Variants in MAMDC2 observed in about 807,000 individuals in gnomAD.
MAMDC2 encodes MAM domain-containing protein 2.
In MAMDC2, 57 loss-of-function variants were observed where a neutral mutation model predicts 89.8. That is an observed-to-expected ratio of 0.63 (90% CI 0.51 to 0.79). The LOEUF (loss-of-function observed/expected upper bound fraction) is 0.79, where lower values mean the gene tolerates loss of function less well. MAMDC2 is among the 30% of genes least tolerant of loss of function. MAMDC2 has a pLI of 0.00. For synonymous variants in MAMDC2, 313 were observed against 293.4 expected (o/e 1.07, Z -0.68); for missense variants, 800 against 820.6 (o/e 0.97, Z 0.31).
intron 2 of MAMDC2, among the ~76,000 whole-genome samples, chr9:70,065,615 A>G (rs545207055): frequency 2.0e-5 from 3 of 151,714 alleles, no homozygotes; most frequent in Admixed American, 2.0e-4. Flanking sequence ...GAGGCCCCTG[A>G]AAGTTAGAAT....
rs548584873 is a variant in MAMDC2 at position 70,198,592 on chromosome 9, TTC to T, written c.1652-19738_1652-19737del. On this transcript the variant is annotated intron_variant, in intron 11 of 13. Transcript: ENST00000377182. ...AGTGAATAGATTAAAAGTCATTCAG[TTC>T]TCTCTCCCTGATCCTACTATTCCAG... 3.2e-3 allele frequency among the ~76,000 whole-genome samples: 489 copies of T among 152,210 alleles called. 2 individuals are homozygous for T. Among genetic ancestry groups the T allele is most frequent in the African/African-American group, 0.011 (465 of 41,534 alleles).
chr9:70,151,818 C>G (rs914586278), intron 9 of MAMDC2, among the ~76,000 whole-genome samples: 5 of 152,060 alleles, frequency 3.3e-5, no homozygotes, highest in Admixed American at 2.6e-4. Flanking sequence ...TTAAGGTCCC[C>G]CAGATGATCT....
At chr9:70,085,912 CAG>C (rs1407733666) in intron 2 of MAMDC2, 1 of 151,968 alleles carries the variant, frequency 6.6e-6, no homozygotes, top group Non-Finnish European at 1.5e-5. Context: ...CCTAGTTATA[CAG>C]AGACTATAAG....
chr9:70,052,004 A>AT (rs1826916141), intron 2 of MAMDC2, among the ~76,000 whole-genome samples: 1 of 152,158 alleles, frequency 6.6e-6, no homozygotes, highest in Non-Finnish European at 1.5e-5. Flanking sequence ...GGTAAAAAAA[A>AT]ATTTTTTTAA....
At chr9:70,213,120 A>AGACTT (rs1727797936) in intron 11 of MAMDC2, among the ~76,000 whole-genome samples, 1 of 152,234 alleles carries the variant, frequency 6.6e-6, no homozygotes, top group Admixed American at 6.5e-5. Context: ...ATCCTGGTCA[A>AGACTT]GACTTGTACT....
intron 11 of MAMDC2, among the ~76,000 whole-genome samples, chr9:70,212,303 G>T (rs562234773): frequency 6.6e-6 from 1 of 152,328 alleles, no homozygotes; most frequent in Non-Finnish European, 1.5e-5. Flanking sequence ...GCCGCTTTGT[G>T]TACCTACTCA....
chr9:70,118,329 C>T (rs962791719), intron 5 of MAMDC2, among the ~76,000 whole-genome samples: 9 of 70,214 alleles, frequency 1.3e-4, no homozygotes, highest in African/African-American at 3.3e-4. Context: ...CACACACACA[C>T]ACACACACAC....
rs190463463 is a variant in MAMDC2 at position 70,108,592 on chromosome 9, C to T, written c.420+110C>T. 1.6e-3 allele frequency: 1,452 copies of T among 932,978 alleles called. 2 individuals carry two copies. The highest frequency in any genetic ancestry group is 2.2e-3 in the Admixed American group (77 of 34,812). 57.8% of individuals were successfully genotyped at this position (932,978 alleles called of 1,614,324 possible). On this transcript the variant is annotated intron_variant, in intron 3 of 13. Coordinates refer to ENST00000377182, the MANE Select transcript of MAMDC2 (RefSeq NM_153267.5). ...AGGTTAGTTATCTCCTGGATTATGACGTGATGTTTCATAAGATACATACCA... is the reference window on the plus strand; with the variant it reads ...AGGTTAGTTATCTCCTGGATTATGATGTGATGTTTCATAAGATACATACCA...
chr9:70,043,796 G>T (rs535732312), upstream of MAMDC2: 457 of 218,968 alleles, frequency 2.1e-3, 2 homozygotes, highest in African/African-American at 9.8e-3. Context: ...CCAAGTGTCT[G>T]CAAGGGCTCT....
In MAMDC2 at chr9:70,051,936, T is replaced by C. The variant is rs138754961; in HGVS notation, c.148+7239T>C. Among the ~76,000 whole-genome samples the C allele has an allele frequency of 5.3e-3, 649 of 122,322 alleles. 1 individual carries two copies. Among genetic ancestry groups the C allele is most frequent in the Non-Finnish European group, 7.0e-3 (384 of 54,854 alleles). 80.2% of individuals were successfully genotyped at this position (122,322 alleles called of 152,430 possible). A position where few individuals can be genotyped will look rare whatever the true frequency, so the allele number is the denominator to read the frequency against. On this transcript the variant is annotated intron_variant, in intron 2 of 13. Coordinates refer to ENST00000377182, the MANE Select transcript of MAMDC2 (RefSeq NM_153267.5). ...ATAGATAGATAGATAGACAGACAGA[T>C]AGATAGATATAGTTTCACCTACAGA...
intron 6 of MAMDC2, among the ~76,000 whole-genome samples, chr9:70,126,640 T>C (rs952834073): frequency 2.0e-4 from 30 of 152,188 alleles, no homozygotes; most frequent in Non-Finnish European, 3.5e-4. Flanking sequence ...AAGAGTCATT[T>C]TTATGAGAAC....
chr9:70,112,539 G>GA (rs895337951), intron 4 of MAMDC2, among the ~76,000 whole-genome samples: 1 of 152,142 alleles, frequency 6.6e-6, no homozygotes. Flanking sequence ...AAGGGTTGTG[G>GA]AAAAAATTTT....
intron 12 of MAMDC2, 51 bp downstream of exon 12, chr9:70,218,647 T>C: frequency 2.0e-6 from 3 of 1,514,612 alleles, no homozygotes; most frequent in Middle Eastern, 1.8e-4. Flanking sequence ...TAGGAGCTTC[T>C]GATGTTCTTT....
intron 11 of MAMDC2, among the ~76,000 whole-genome samples, chr9:70,210,288 C>CT (rs140697195): frequency 0.79 from 119,731 of 152,016 alleles, 47,286 homozygotes; most frequent in Admixed American, 0.83. Context: ...TTGTAGGTCT[C>CT]TAAGGACTTG....
chr9:70,182,359 G>A (rs1449866385), intron 11 of MAMDC2, among the ~76,000 whole-genome samples: 2 of 152,066 alleles, frequency 1.3e-5, no homozygotes, highest in Admixed American at 6.6e-5. Flanking sequence ...TCAGAATGAT[G>A]CCGGCCTCAT....
At chr9:70,198,912 C>T (rs936817849) in intron 11 of MAMDC2, among the ~76,000 whole-genome samples, 1 of 152,026 alleles carries the variant, frequency 6.6e-6, no homozygotes, top group South Asian at 2.1e-4. Flanking sequence ...TATTTCAAGT[C>T]CCTGTCTTTT....
At chr9:70,177,611 G>A (rs191897839) in intron 11 of MAMDC2, among the ~76,000 whole-genome samples, 33 of 152,318 alleles carry the variant, frequency 2.2e-4, no homozygotes, top group Non-Finnish European at 2.5e-4. Context: ...TGTAAGGTAA[G>A]TGAAAGTTCC....
chr9:70,067,360 G>C (rs955009193), intron 2 of MAMDC2, among the ~76,000 whole-genome samples: 3 of 152,092 alleles, frequency 2.0e-5, no homozygotes, highest in Non-Finnish European at 4.4e-5. Flanking sequence ...ATCCCATGGA[G>C]GGACACTCCC....
intron 9 of MAMDC2, 64 bp downstream of exon 9, chr9:70,143,883 G>C: frequency 1.9e-6 from 3 of 1,563,468 alleles, no homozygotes; most frequent in Non-Finnish European, 2.6e-6. Context: ...GTGAATGTCC[G>C]TCTAGCTACT....
Sources: allele counts gnomAD v4.1 joint callset (sites outside exome capture counted in the v4.1 genomes callset), GRCh38; gene constraint gnomAD v4.1.1; transcripts MANE v1.5; gene names NCBI Gene and HGNC (gene_info 2026-07-23, HGNC 2026-07-21).